ATXN10: variants seen among roughly 807,000 people sequenced by gnomAD.
ATXN10 encodes the protein ataxin 10.
Under a neutral mutation model 52.9 loss-of-function variants are expected in ATXN10, and 28 were observed. The ratio of observed to expected loss-of-function variants is 0.53; its 90% CI spans 0.39 to 0.73. ATXN10 has a LOEUF of 0.73. Among genes scored for constraint, ATXN10 ranks in the 30% least tolerant of loss-of-function variants. ATXN10 has a pLI of 0.00. For synonymous variants in ATXN10, 226 were observed against 221.5 expected (o/e 1.02, Z -0.18); for missense variants, 565 against 577.0 (o/e 0.98, Z 0.21).
At chr22:45,709,673 A>G (rs994462290) in intron 5 of ATXN10, among the ~76,000 whole-genome samples, 1 of 152,178 alleles carries the variant, frequency 6.6e-6, no homozygotes. Context: ...TACCTCTTCT[A>G]AATTGATGAT....
chr22:45,673,468 A>G (rs536519546), intron 1 of ATXN10: 14 of 152,300 alleles, frequency 9.2e-5, no homozygotes, highest in Admixed American at 9.1e-4. Flanking sequence ...GTACTGCTCT[A>G]TGGGCCTTTG....
At chr22:45,725,149 G>A (rs1423810440) in intron 6 of ATXN10, among the ~76,000 whole-genome samples, 15 of 151,950 alleles carry the variant, frequency 9.9e-5, no homozygotes, top group Admixed American at 9.8e-4. Flanking sequence ...CTCTTTTTTG[G>A]TTCCATATGA....
chr22:45,794,755 A>C (rs968618557), intron 9 of ATXN10, among the ~76,000 whole-genome samples: 9 of 152,250 alleles, frequency 5.9e-5, no homozygotes, highest in Non-Finnish European at 1.0e-4. Flanking sequence ...GGTCAAAAAA[A>C]AGAAGGTAAA....
At chr22:45,767,123 C>G (rs1036907885) in intron 9 of ATXN10, among the ~76,000 whole-genome samples, 1 of 152,166 alleles carries the variant, frequency 6.6e-6, no homozygotes, top group Non-Finnish European at 1.5e-5. Flanking sequence ...TTTTAGGACT[C>G]TATACTAGAA....
intron 9 of ATXN10, among the ~76,000 whole-genome samples, 176 bp from the exon 10 acceptor site, chr22:45,806,783 C>G (rs1324421363): frequency 6.6e-6 from 1 of 152,064 alleles, no homozygotes; most frequent in Non-Finnish European, 1.5e-5. Flanking sequence ...AATAAAATAT[C>G]ACTTTTTGTT....
intron 4 of ATXN10, 107 bp downstream of exon 4, chr22:45,700,485 G>A: frequency 2.3e-6 from 2 of 858,448 alleles, no homozygotes; most frequent in Non-Finnish European, 3.8e-6. Flanking sequence ...CTGTAATAGA[G>A]TTCAGGATAG....
chr22:45,704,317 A>G (rs1923955589), intron 5 of ATXN10, among the ~76,000 whole-genome samples: 1 of 151,978 alleles, frequency 6.6e-6, no homozygotes, highest in African/African-American at 2.4e-5. Context: ...TGTTAAAAAA[A>G]AAAAACAGCT....
chr22:45,689,730 T>C lies in ATXN10; in HGVS notation c.135T>C (p.Thr45=). The C allele has an allele frequency of 1.2e-6, 2 of 1,614,148 alleles. No homozygotes were observed. Among genetic ancestry groups the C allele is most frequent in the Non-Finnish European group, 1.7e-6 (2 of 1,179,986 alleles). The change falls in exon 2 of 12, where the codon ACT becomes ACC. Residue 45 remains threonine, a synonymous_variant. Coordinates refer to ENST00000252934, the MANE Select transcript of ATXN10 (RefSeq NM_013236.4). Reference sequence around the variant, plus strand: ...TTTTCAGAGAAACAGCACCCAGGACTATCTTCCAAAGAGTTCTGGATATCC... The same window carrying C: ...TTTTCAGAGAAACAGCACCCAGGACCATCTTCCAAAGAGTTCTGGATATCC... ...EQRNRETAPR[T]IFQRVLDILK... is the part of the protein sequence containing the mutation.
At chr22:45,788,725 A>G (rs561737765) in intron 9 of ATXN10, among the ~76,000 whole-genome samples, 60 of 152,008 alleles carry the variant, frequency 3.9e-4, no homozygotes, top group Non-Finnish European at 2.8e-4. Context: ...GGCACAGTCA[A>G]AGCTCCCTGG....
At chr22:45,779,356 A>G (rs902626008) in intron 9 of ATXN10, among the ~76,000 whole-genome samples, 2 of 152,212 alleles carry the variant, frequency 1.3e-5, no homozygotes, top group Non-Finnish European at 2.9e-5. Context: ...CACTGAAGGC[A>G]CTTTCCAGTT....
intron 10 of ATXN10, among the ~76,000 whole-genome samples, chr22:45,822,463 C>A (rs1460295829): frequency 6.6e-6 from 1 of 151,588 alleles, no homozygotes; most frequent in Non-Finnish European, 1.5e-5. Context: ...GCAGTCAGAC[C>A]TCGTAATATT....
chr22:45,693,354 T>C (rs1370863463), intron 3 of ATXN10, among the ~76,000 whole-genome samples: 1 of 152,184 alleles, frequency 6.6e-6, no homozygotes. Flanking sequence ...AACAGAAATG[T>C]ATTGCTTACA....
chr22:45,813,696 G>A (rs117082857), intron 10 of ATXN10, among the ~76,000 whole-genome samples: 1 of 152,112 alleles, frequency 6.6e-6, no homozygotes, highest in African/African-American at 2.4e-5. Flanking sequence ...AGCTTTGTCT[G>A]TAGAATGGGA....
chr22:45,740,223 G>A (rs1925456245), intron 8 of ATXN10, 146 bp from the exon 9 acceptor site: 3 of 771,122 alleles, frequency 3.9e-6, no homozygotes, highest in Non-Finnish European at 6.3e-6. Context: ...AGGCAGAAGA[G>A]CCTTGTAATC....
intron 9 of ATXN10, among the ~76,000 whole-genome samples, chr22:45,752,139 C>T (rs922841750): frequency 7.2e-5 from 11 of 152,222 alleles, no homozygotes; most frequent in Admixed American, 4.6e-4. Flanking sequence ...TAGAAATGAA[C>T]GTGCTATTTT....
intron 2 of ATXN10, among the ~76,000 whole-genome samples, chr22:45,692,172 T>G (rs1029237253): frequency 2.6e-5 from 4 of 152,134 alleles, no homozygotes; most frequent in African/African-American, 9.7e-5. Flanking sequence ...TTTATGTTAA[T>G]ACTTTCTTTC....
chr22:45,795,599 G>A lies in ATXN10; in HGVS notation c.1174-11360G>A, dbSNP rs1222276786. On this transcript the variant is annotated intron_variant, in intron 9 of 11. Transcript: ENST00000252934. The surrounding 1 kb of genome is among the most constrained non-coding windows in gnomAD (Gnocchi z 4.6). ...AATTTTTGTATTTTTAGTAGAGACG[G>A]TGTTTCGGGAAGTCAGGGACCCTGA... Among the ~76,000 whole-genome samples the A allele has an allele frequency of 6.6e-6, 1 of 152,132 alleles. No individual in the cohort carries two copies. The highest frequency in any genetic ancestry group is 1.5e-5 in the Non-Finnish European group (1 of 68,030).
intron 1 of ATXN10, chr22:45,675,960 T>G (rs1269113037): frequency 6.6e-6 from 1 of 152,226 alleles, no homozygotes; most frequent in Non-Finnish European, 1.5e-5. Context: ...CACATTTGTT[T>G]TATACTTTTT....
chr22:45,678,932 G>A lies in ATXN10; in HGVS notation c.116+6753G>A, dbSNP rs1237401868. ...AATACATTTGTAATTTGCTAAAAATGTATATTTGTAATTTATATTTACAAA... is the reference window on the plus strand; with the variant it reads ...AATACATTTGTAATTTGCTAAAAATATATATTTGTAATTTATATTTACAAA... On this transcript the variant is annotated intron_variant, in intron 1 of 11. Transcript: ENST00000252934. The surrounding 1 kb of genome is among the most constrained non-coding windows in gnomAD (Gnocchi z 4.1). The A allele has an allele frequency of 1.3e-5, 2 of 152,166 alleles. No individual in the cohort carries two copies. The highest frequency in any genetic ancestry group is 2.9e-5 in the Non-Finnish European group (2 of 68,024). 9.4% of individuals were successfully genotyped at this position (152,166 alleles called of 1,614,324 possible). A position where few individuals can be genotyped will look rare whatever the true frequency, so the allele number is the denominator to read the frequency against.
Sources: allele counts gnomAD v4.1 joint callset (sites outside exome capture counted in the v4.1 genomes callset), GRCh38; gene constraint gnomAD v4.1.1; non-coding constraint Gnocchi (gnomAD v3.1); transcripts MANE v1.5; gene names NCBI Gene and HGNC (gene_info 2026-07-23, HGNC 2026-07-21).